STON2: variants seen among roughly 807,000 people sequenced by gnomAD.
STON2 encodes stonin-2.
In STON2, 29 loss-of-function variants were observed where a neutral mutation model predicts 65.7. The ratio of observed to expected loss-of-function variants is 0.44; its 90% CI spans 0.33 to 0.60. STON2 has a LOEUF of 0.60. Among genes scored for constraint, STON2 ranks in the 20% least tolerant of loss-of-function variants. The pLI, the probability that STON2 is intolerant of heterozygous loss-of-function variation, is 0.03. For missense variants in STON2, 1,054 were observed against 1,118.1 expected, an observed-to-expected ratio of 0.94 and a Z score of 0.82; for synonymous variants, 404 against 414.2, an observed-to-expected ratio of 0.98 and a Z score of 0.30.
At chr14:81,319,294 C>A (rs775875377) in intron 5 of STON2, among the ~76,000 whole-genome samples, 19 of 152,122 alleles carry the variant, frequency 1.2e-4, no homozygotes, top group Non-Finnish European at 2.4e-4. Flanking sequence ...TTTCTTACTA[C>A]ATTATAAGTA....
In STON2 at chr14:81,278,679, G is replaced by A; in HGVS notation, c.803C>T (p.Ala268Val). Residue 268 changes from alanine to valine, a missense_variant, in exon 6 of 8, where the codon GCC (alanine) becomes GTC (valine). Physicochemically the swap from Ala to Val is moderately conservative, Grantham distance 64 (BLOSUM62 0). Transcript: ENST00000614646. ...EVEMEAISWQ[A>V]SSPAMNGHPA... ...GTGCCCATTCATGGCTGGACTGCTG[G>A]CCTGCCAGCTGATGGCCTCCATCTC... 6.6e-7 allele frequency: 1 copy of A among 1,526,328 alleles called. No homozygotes were observed. The highest frequency in any genetic ancestry group is 8.8e-7 in the Non-Finnish European group (1 of 1,139,306). The allele number at this position is 1,526,328 out of a possible 1,614,324, so 94.5% of individuals were successfully genotyped here.
intron 5 of STON2, among the ~76,000 whole-genome samples, chr14:81,303,236 G>A (rs1896040513): frequency 1.3e-5 from 2 of 152,132 alleles, no homozygotes; most frequent in Admixed American, 6.5e-5. Context: ...AATATTTGAA[G>A]GGCAAGCCTT....
chr14:81,385,954 C>T (rs1313004615), intron 3 of STON2, among the ~76,000 whole-genome samples: 2 of 152,090 alleles, frequency 1.3e-5, no homozygotes, highest in Admixed American at 1.3e-4. Context: ...GCTGCAGAGG[C>T]GATGCTTGAG....
chr14:81,276,896 C>T lies in STON2; in HGVS notation c.2581+5G>A. 6.2e-7 allele frequency: 1 copy of T among 1,605,114 alleles called. No individual in the cohort carries two copies. The highest frequency in any genetic ancestry group is 8.5e-7 in the Non-Finnish European group (1 of 1,173,536). On this transcript the variant is annotated splice_donor_5th_base_variant and intron_variant, in intron 6 of 7. Coordinates refer to ENST00000614646, the MANE Select transcript of STON2 (RefSeq NM_001394390.1). ...TGTTTTCACAGAAGAGGAACCACCA[C>T]CCACCTGAGTTTTTGTCCGGCAGTC...
rs996655507 is a variant in STON2 at position 81,262,008 on chromosome 14, A to G, written c.*6406T>C. 5.8e-6 allele frequency: 8 copies of G among 1,369,638 alleles called. No individual in the cohort carries two copies. The highest frequency in any genetic ancestry group is 3.8e-5 in the South Asian group (2 of 52,678). The allele number at this position is 1,369,638 out of a possible 1,614,324, so 84.8% of individuals were successfully genotyped here. A position where few individuals can be genotyped will look rare whatever the true frequency, so the allele number is the denominator to read the frequency against. The stretch of plus-strand genomic sequence containing the variant: ...AAAGATGGACCAGGTGATTTTTCCA[A>G]TCTTCAAAATTTAAATTTCTTGGTT... On this transcript the variant is annotated 3_prime_UTR_variant, in exon 8 of 8. Coordinates refer to ENST00000614646, the MANE Select transcript of STON2 (RefSeq NM_001394390.1).
chr14:81,342,675 G>A (rs1457442699), intron 4 of STON2, among the ~76,000 whole-genome samples: 1 of 152,140 alleles, frequency 6.6e-6, no homozygotes, highest in South Asian at 2.1e-4. Context: ...TCCACGCTTA[G>A]GTGCACAGAT....
chr14:81,355,136 T>A (rs1177642367), intron 4 of STON2, among the ~76,000 whole-genome samples: 2 of 152,080 alleles, frequency 1.3e-5, no homozygotes, highest in Non-Finnish European at 2.9e-5. Context: ...CCTACAGGAC[T>A]TATGGATAAG....
In STON2 at chr14:81,261,824, A is replaced by G. The variant is rs1894156192; in HGVS notation, c.*6590T>C. Reference sequence around the variant, plus strand: ...TAGATGATGCCAGTGGAACTTCCAAAGAAGCATTCCACCTGATCTTCACCA... The same window carrying G: ...TAGATGATGCCAGTGGAACTTCCAAGGAAGCATTCCACCTGATCTTCACCA... On this transcript the variant is annotated 3_prime_UTR_variant, in exon 8 of 8. Coordinates refer to ENST00000614646, the MANE Select transcript of STON2 (RefSeq NM_001394390.1). The G allele has an allele frequency of 6.5e-7, 1 of 1,533,142 alleles. No homozygotes were observed. Among genetic ancestry groups the G allele is most frequent in the South Asian group, 1.2e-5 (1 of 83,642 alleles). The allele number at this position is 1,533,142 out of a possible 1,614,324, so 95.0% of individuals were successfully genotyped here.
chr14:81,401,088 C>A (rs1595446288), upstream of STON2, among the ~76,000 whole-genome samples: 2 of 152,296 alleles, frequency 1.3e-5, no homozygotes, highest in South Asian at 4.1e-4. Context: ...GTAACTTGTT[C>A]GTAGAAGTCT....
chr14:81,356,491 A>C (rs1016021165), intron 4 of STON2, among the ~76,000 whole-genome samples: 1 of 151,928 alleles, frequency 6.6e-6, no homozygotes, highest in Admixed American at 6.6e-5. Flanking sequence ...TGTCTCTGCC[A>C]GGCTTTGGTA....
At chr14:81,414,632 A>G (rs187504393) in intron 2 of STON2, among the ~76,000 whole-genome samples, 1 of 152,176 alleles carries the variant, frequency 6.6e-6, no homozygotes, top group Admixed American at 6.5e-5. Context: ...AGATGTGAAA[A>G]AAAAAATGAA....
chr14:81,296,081 T>A (rs1895750588), intron 5 of STON2, among the ~76,000 whole-genome samples: 1 of 152,220 alleles, frequency 6.6e-6, no homozygotes, highest in Non-Finnish European at 1.5e-5. Flanking sequence ...AGGACAATAT[T>A]CAAAACAGGC....
In STON2 at chr14:81,278,496, G is replaced by C; in HGVS notation, c.986C>G (p.Ser329Ter). The change falls in exon 6 of 8, where the codon TCA becomes TGA. Residue 329 changes from serine (S) to a stop codon, truncating the protein, a stop_gained. Transcript: ENST00000614646. LOFTEE classifies it high-confidence loss of function. ...IPDVPYNSMG[S>*]FKKRDRPKST... The stretch of plus-strand genomic sequence containing the variant: ...CTTGGGACGGTCCCTCTTCTTAAAT[G>C]ATCCCATTGAATTATAAGGTACATC... 1 of 1,614,216 alleles carries C rather than the reference G, an allele frequency of 6.2e-7. No individual in the cohort carries two copies. Among genetic ancestry groups the C allele is most frequent in the Non-Finnish European group, 8.5e-7 (1 of 1,180,046 alleles).
chr14:81,266,919 C>G lies in STON2; in HGVS notation c.*1495G>C. 4 of 983,562 alleles carry G rather than the reference C, an allele frequency of 4.1e-6. No individual in the cohort carries two copies. Among genetic ancestry groups the G allele is most frequent in the Non-Finnish European group, 3.6e-6 (3 of 828,286 alleles). The allele number at this position is 983,562 out of a possible 1,614,324, so 60.9% of individuals were successfully genotyped here. A position where few individuals can be genotyped will look rare whatever the true frequency, so the allele number is the denominator to read the frequency against. ...ATAGGGTTTCTCATTAATGCCTATTCAATCATCATTTTACTTTCAGTCTTA... is the reference window on the plus strand; with the variant it reads ...ATAGGGTTTCTCATTAATGCCTATTGAATCATCATTTTACTTTCAGTCTTA... On this transcript the variant is annotated 3_prime_UTR_variant, in exon 8 of 8. Coordinates refer to ENST00000614646, the MANE Select transcript of STON2 (RefSeq NM_001394390.1).
intron 5 of STON2, among the ~76,000 whole-genome samples, chr14:81,286,333 G>C (rs1178422280): frequency 6.6e-6 from 1 of 152,156 alleles, no homozygotes; most frequent in Non-Finnish European, 1.5e-5. Flanking sequence ...ATGAAAGGAA[G>C]GGTCAATTGA....
rs368188082 is a variant in STON2 at position 81,335,630 on chromosome 14, G to A, written c.572-11443C>T. On this transcript the variant is annotated intron_variant, in intron 4 of 7. Coordinates refer to ENST00000614646, the MANE Select transcript of STON2 (RefSeq NM_001394390.1). ...AAGAGCTGAAGGGAGAAACAAAGAC[G>A]TAAGTTGGAAGAAGACCTAGATTTC... 3.9e-5 allele frequency among the ~76,000 whole-genome samples: 6 copies of A among 152,274 alleles called. No individual in the cohort carries two copies. The East Asian group carries it at 9.7e-4, about 25-fold the overall frequency.
At position 81,278,495 on chromosome 14, in the gene STON2, T is replaced by C. The variant is rs1566885691; in HGVS notation, c.987A>G (p.Ser329=). Reference sequence around the variant, plus strand: ...TCTTGGGACGGTCCCTCTTCTTAAATGATCCCATTGAATTATAAGGTACAT... The same window carrying C: ...TCTTGGGACGGTCCCTCTTCTTAAACGATCCCATTGAATTATAAGGTACAT... ...IPDVPYNSMG[S]FKKRDRPKST... Residue 329 remains serine (S), a synonymous_variant, in exon 6 of 8, where the codon TCA becomes TCG. Coordinates refer to ENST00000614646, the MANE Select transcript of STON2 (RefSeq NM_001394390.1). 6.2e-7 allele frequency: 1 copy of C among 1,614,252 alleles called. No individual in the cohort carries two copies. The highest frequency in any genetic ancestry group is 1.1e-5 in the South Asian group (1 of 91,086).
Position 81,261,430 on chromosome 14 carries a change from GA to G in STON2, c.*6983del, listed in dbSNP as rs1220738332. 6.3e-6 allele frequency: 1 copy of G among 159,874 alleles called. No homozygotes were observed. Among genetic ancestry groups the G allele is most frequent in the Non-Finnish European group, 1.3e-5 (1 of 74,140 alleles). The allele number at this position is 159,874 out of a possible 1,614,324, so 9.9% of individuals were successfully genotyped here. On this transcript the variant is annotated 3_prime_UTR_variant, in exon 8 of 8. Coordinates refer to ENST00000614646, the MANE Select transcript of STON2 (RefSeq NM_001394390.1). ...GACTACCACAAATACAACCAGAAAAGAAACTAAAATTACACACTCAAACATA... is the reference window on the plus strand; with the variant it reads ...GACTACCACAAATACAACCAGAAAAGAACTAAAATTACACACTCAAACATA...
chr14:81,276,982 C>G lies in STON2; in HGVS notation c.2500G>C (p.Val834Leu). 1 of 1,614,230 alleles carries G rather than the reference C, an allele frequency of 6.2e-7. No individual in the cohort carries two copies. The highest frequency in any genetic ancestry group is 8.5e-7 in the Non-Finnish European group (1 of 1,180,034). The change falls in exon 6 of 8, where the codon GTA (valine) becomes CTA (leucine). Residue 834 changes from valine (V) to leucine (L), a missense_variant. Val to Leu is a conservative substitution (Grantham distance 32). Coordinates refer to ENST00000614646, the MANE Select transcript of STON2 (RefSeq NM_001394390.1). The part of the protein sequence containing the change: ...SVSGSEPVMR[V>L]TLGTAKYEHA... Reference sequence around the variant, plus strand: ...TCGTACTTGGCAGTTCCCAGAGTTACTCTCATGACAGGCTCAGAGCCAGAA... The same window carrying G: ...TCGTACTTGGCAGTTCCCAGAGTTAGTCTCATGACAGGCTCAGAGCCAGAA...
Sources: allele counts gnomAD v4.1 joint callset (sites outside exome capture counted in the v4.1 genomes callset), GRCh38; gene constraint gnomAD v4.1.1; transcripts MANE v1.5; gene names NCBI Gene and HGNC (gene_info 2026-07-23, HGNC 2026-07-21).